ST3GAL3: variants seen among roughly 807,000 people sequenced by gnomAD.
The protein encoded by ST3GAL3 is CMP-N-acetylneuraminate-beta-1,4-galactoside alpha-2,3-sialyltransferase.
ST3GAL3 carries 21 observed loss-of-function variants against 50.1 expected under a neutral mutation model. That is an observed-to-expected ratio of 0.42 (90% CI 0.30 to 0.60). ST3GAL3 has a LOEUF of 0.60. Among genes scored for constraint, ST3GAL3 ranks in the 20% least tolerant of loss-of-function variants. ST3GAL3 has a pLI of 0.19. For missense variants in ST3GAL3, 353 were observed against 489.4 expected (o/e 0.72, Z 2.63); for synonymous variants, 183 against 190.0 (o/e 0.96, Z 0.30).
chr1:43,817,568 C>CTTCTTCCTTCTTCTTCTCCTTCT lies in ST3GAL3; in HGVS notation c.209+2641_209+2642insCTTCTTCTTCTCCTTCTTTCTTC, dbSNP rs1553350795. ...CTTCTTCTTCTTCTCCTTCTTCCTT[C>CTTCTTCCTTCTTCTTCTCCTTCT]TTCTTCTCCTTCTCCTCCTTCTCCT... On this transcript the variant is annotated intron_variant, in intron 4 of 11. Transcript: ENST00000347631. 2.8e-3 allele frequency among the ~76,000 whole-genome samples: 41 copies of CTTCTTCCTTCTTCTTCTCCTTCT among 14,786 alleles called. 1 individual carries two copies. Among genetic ancestry groups the CTTCTTCCTTCTTCTTCTCCTTCT allele is most frequent in the Non-Finnish European group, 4.5e-3 (26 of 5,796 alleles). 9.7% of individuals were successfully genotyped at this position (14,786 alleles called of 152,430 possible). A position where few individuals can be genotyped will look rare whatever the true frequency, so the allele number is the denominator to read the frequency against.
At chr1:43,871,153 C>G (rs1235680695) in intron 5 of ST3GAL3, among the ~76,000 whole-genome samples, 1 of 152,172 alleles carries the variant, frequency 6.6e-6, no homozygotes, top group African/African-American at 2.4e-5. Context: ...AGCAGCTGGC[C>G]ACAGATAATA....
rs149639718 is a variant in ST3GAL3 at position 43,724,705 on chromosome 1, T to C, written c.-30-11528T>C. On this transcript the variant is annotated intron_variant, in intron 1 of 11. Transcript: ENST00000347631. ...GATGTTATGGAGCACAGTCATGGTG[T>C]AGGGCTGTGATTAAGGAAAGCTTGC... Among the ~76,000 whole-genome samples, 647 of 152,306 alleles carry C rather than the reference T, an allele frequency of 4.2e-3. 3 individuals are homozygous for C. The highest frequency in any genetic ancestry group is 5.2e-3 in the Non-Finnish European group (352 of 68,016).
intron 2 of ST3GAL3, among the ~76,000 whole-genome samples, chr1:43,774,761 C>T (rs539617048): frequency 1.3e-5 from 2 of 152,054 alleles, no homozygotes; most frequent in Admixed American, 6.6e-5. Context: ...TAGCATTTTT[C>T]GTTCATTCAT....
chr1:43,923,781 T>A (rs1557581047), intron 11 of ST3GAL3, among the ~76,000 whole-genome samples: 1 of 151,986 alleles, frequency 6.6e-6, no homozygotes, highest in African/African-American at 2.4e-5. Flanking sequence ...ACCTGGCTAA[T>A]TTTTTTTATT....
intron 9 of ST3GAL3, chr1:43,916,715 T>C (rs932523605): frequency 6.6e-6 from 1 of 152,142 alleles, no homozygotes; most frequent in South Asian, 2.1e-4. Flanking sequence ...CCCGAGTGGC[T>C]GGGACCACAG....
intron 2 of ST3GAL3, among the ~76,000 whole-genome samples, chr1:43,744,568 G>A (rs1026807889): frequency 3.3e-5 from 5 of 151,178 alleles, no homozygotes; most frequent in South Asian, 2.1e-4. Context: ...TAAACTTCTC[G>A]TTTAAAAAAT....
In ST3GAL3 at chr1:43,761,725, C is replaced by T. The variant is rs568665076; in HGVS notation, c.118+25345C>T. On this transcript the variant is annotated intron_variant, in intron 2 of 11. Transcript: ENST00000347631. ...CAGCACTTTGGGAGGCCAAGGTGGGCGGATCACGAGGTCAGGAGATCGAGA... is the reference window on the plus strand; with the variant it reads ...CAGCACTTTGGGAGGCCAAGGTGGGTGGATCACGAGGTCAGGAGATCGAGA... 1.3e-4 allele frequency among the ~76,000 whole-genome samples: 19 copies of T among 146,412 alleles called. No homozygotes were observed. The East Asian group carries it at 2.3e-3, about 17-fold the overall frequency.
intron 9 of ST3GAL3, among the ~76,000 whole-genome samples, chr1:43,906,488 T>C (rs1265185667): frequency 1.9e-5 from 2 of 103,078 alleles, no homozygotes; most frequent in Non-Finnish European, 3.9e-5. Context: ...CTCCTCCTGC[T>C]CCCCTTCCCG....
chr1:43,791,371 T>C (rs1255046758), intron 2 of ST3GAL3, among the ~76,000 whole-genome samples: 2 of 152,220 alleles, frequency 1.3e-5, no homozygotes, highest in African/African-American at 2.4e-5. Context: ...AGTCATAGTA[T>C]AGTATCTTGC....
intron 1 of ST3GAL3, among the ~76,000 whole-genome samples, chr1:43,727,741 T>C (rs985153837): frequency 1.3e-5 from 2 of 152,210 alleles, no homozygotes; most frequent in Non-Finnish European, 2.9e-5. Context: ...GCCTCATCCC[T>C]TCCCCAAACT....
At chr1:43,919,069 CTTTTTTTTTTT>C (rs1170641209) in intron 9 of ST3GAL3, 8 of 60,318 alleles carry the variant, frequency 1.3e-4, no homozygotes, top group African/African-American at 3.2e-4. Context: ...TTCTTTGTTT[CTTTTTTTTTTT>C]TTTTTTTTTT....
rs2078019765 is a variant in ST3GAL3, at chr1:43,899,999, C to T, written c.744+272C>T. Reference sequence around the variant, plus strand: ...AGATCCTTTCTCAGCCTTCTGTAGCCAGACCCCAGCAGCCCCAGGGGCCCT... The same window carrying T: ...AGATCCTTTCTCAGCCTTCTGTAGCTAGACCCCAGCAGCCCCAGGGGCCCT... On this transcript the variant is annotated intron_variant, in intron 9 of 11. Transcript: ENST00000347631. This position sits in a 1 kb window ranked among gnomAD's most constrained non-coding sequence, Gnocchi z 5.4. Among the ~76,000 whole-genome samples, 1 of 152,136 alleles carries T rather than the reference C, an allele frequency of 6.6e-6. No individual in the cohort carries two copies. Among genetic ancestry groups the T allele is most frequent in the African/African-American group, 2.4e-5 (1 of 41,418 alleles).
intron 5 of ST3GAL3, among the ~76,000 whole-genome samples, chr1:43,876,216 G>A (rs1036795599): frequency 2.6e-5 from 4 of 151,912 alleles, no homozygotes; most frequent in Admixed American, 2.0e-4. Context: ...CGCCCGCCTC[G>A]GCCTCCTAAA....
intron 2 of ST3GAL3, among the ~76,000 whole-genome samples, chr1:43,752,262 G>T (rs1207301599): frequency 6.6e-6 from 1 of 152,136 alleles, no homozygotes; most frequent in Admixed American, 6.6e-5. Flanking sequence ...ACAAGTTAAT[G>T]CCTTTTTTGA....
chr1:43,787,005 C>A (rs1346842850), intron 2 of ST3GAL3, among the ~76,000 whole-genome samples: 1 of 152,210 alleles, frequency 6.6e-6, no homozygotes, highest in Non-Finnish European at 1.5e-5. Flanking sequence ...GGAAACTTGT[C>A]CAATGGCAGA....
intron 4 of ST3GAL3, among the ~76,000 whole-genome samples, chr1:43,818,118 A>G (rs1173873780): frequency 6.6e-6 from 1 of 151,756 alleles, no homozygotes; most frequent in Non-Finnish European, 1.5e-5. Context: ...CCTCTGCCCC[A>G]CTCTCTCTCT....
chr1:43,750,297 G>A (rs1685528535), intron 2 of ST3GAL3, among the ~76,000 whole-genome samples: 1 of 152,188 alleles, frequency 6.6e-6, no homozygotes, highest in South Asian at 2.1e-4. Flanking sequence ...CATATGTTTA[G>A]TACATGACTC....
rs987566051 is a variant in ST3GAL3 at position 43,740,499 on chromosome 1, A to C, written c.118+4119A>C. Among the ~76,000 whole-genome samples, 8 of 151,744 alleles carry C rather than the reference A, an allele frequency of 5.3e-5. No individual in the cohort carries two copies. In the South Asian group the frequency reaches 1.7e-3, roughly 32 times the overall value. On this transcript the variant is annotated intron_variant, in intron 2 of 11. Transcript: ENST00000347631. ...TTTTTATTAATTTAAAATTTTACTT[A>C]TTTCTGCTGGGTATGGTGGTTCACA...
chr1:43,794,040 C>T (rs1014281299), intron 3 of ST3GAL3, among the ~76,000 whole-genome samples: 1 of 146,676 alleles, frequency 6.8e-6, no homozygotes, highest in Non-Finnish European at 1.5e-5. Context: ...GCTATGATTG[C>T]ACCACTGCAC....
Sources: gnomAD v4.1 joint callset for allele counts (sites outside exome capture counted in the v4.1 genomes callset) on GRCh38, gnomAD v4.1.1 for gene constraint, Gnocchi (gnomAD v3.1) non-coding constraint, MANE v1.5 for transcripts, NCBI Gene and HGNC (gene_info 2026-07-23, HGNC 2026-07-21) for gene names.